The following SCAI variants were observed in gnomAD, a reference collection of about 807,000 sequenced individuals.
SCAI encodes the protein suppressor of cancer cell invasion, also known as protein SCAI.
A neutral mutation model predicts 92.2 loss-of-function variants in SCAI; 24 were observed. The ratio of observed to expected loss-of-function variants is 0.26; its 90% CI spans 0.19 to 0.37. The LOEUF (loss-of-function observed/expected upper bound fraction) is 0.37. SCAI is among the 10% of genes least tolerant of loss of function. SCAI has a pLI of 1.00. For synonymous variants in SCAI, 261 were observed against 258.6 expected (o/e 1.01, Z -0.09); for missense variants, 450 against 736.2 (o/e 0.61, Z 4.50).
chr9:125,093,516 C>T (rs1057013857), intron 2 of SCAI, among the ~76,000 whole-genome samples: 2 of 151,874 alleles, frequency 1.3e-5, no homozygotes, highest in Admixed American at 1.3e-4. Flanking sequence ...CCATAGGTGA[C>T]AGTGTGAATT....
chr9:125,050,793 C>CTCT (rs1833545839), intron 3 of SCAI, among the ~76,000 whole-genome samples: 1 of 152,094 alleles, frequency 6.6e-6, no homozygotes, highest in African/African-American at 2.4e-5. Context: ...TGGTCTAGAG[C>CTCT]TCTTGGCTTC....
At chr9:124,976,032 A>G (rs1199842135) in intron 15 of SCAI, 82 bp downstream of exon 15, 5 of 898,968 alleles carry the variant, frequency 5.6e-6, no homozygotes, top group Non-Finnish European at 9.1e-6. Flanking sequence ...TATGGGAGGA[A>G]AAAACAAAGA....
Position 124,969,019 on chromosome 9 carries a change from T to C in SCAI, c.1674+2351A>G, listed in dbSNP as rs1055899866. 1.6e-4 allele frequency among the ~76,000 whole-genome samples: 24 copies of C among 151,514 alleles called. 1 individual carries two copies. Among genetic ancestry groups the C allele is most frequent in the Middle Eastern group, 3.6e-3 (1 of 280 alleles). On this transcript the variant is annotated intron_variant, in intron 17 of 17. Transcript: ENST00000336505. ...ATGCAGTGGTACAATCAGAGCTCAC[T>C]GCAGCCTCAAACCCCTGGGCTCAAG...
chr9:125,125,965 C>G (rs1040103835), intron 2 of SCAI, among the ~76,000 whole-genome samples: 1 of 149,854 alleles, frequency 6.7e-6, no homozygotes, highest in African/African-American at 2.5e-5. Flanking sequence ...CTCTCTTTGT[C>G]CATCAGAAAC....
intron 14 of SCAI, among the ~76,000 whole-genome samples, chr9:124,984,888 A>G: frequency 6.6e-6 from 1 of 152,222 alleles, no homozygotes; most frequent in Non-Finnish European, 1.5e-5. Context: ...ACTCAAGGGC[A>G]CTTCACTGAT....
At chr9:125,023,724 G>A (rs983220210) in intron 6 of SCAI, among the ~76,000 whole-genome samples, 1 of 151,746 alleles carries the variant, frequency 6.6e-6, no homozygotes, top group Non-Finnish European at 1.5e-5. Flanking sequence ...CAGGCCATGG[G>A]CCCAATCTGG....
At chr9:125,004,186 A>AAGC (rs887251519) in intron 9 of SCAI, among the ~76,000 whole-genome samples, 2 of 152,218 alleles carry the variant, frequency 1.3e-5, no homozygotes, top group African/African-American at 2.4e-5. Context: ...AAAAAAAATA[A>AAGC]AGCAGCAGCA....
intron 2 of SCAI, among the ~76,000 whole-genome samples, chr9:125,129,288 A>G (rs62580573): frequency 0.024 from 3,589 of 150,458 alleles, 52 homozygotes; most frequent in Middle Eastern, 0.059. Context: ...TAAAAATACA[A>G]AAGTTAGCCA....
In SCAI at chr9:124,998,459, A is replaced by C. The variant is rs538897283; in HGVS notation, c.1244+1432T>G. ...GAGAGCAAGATTCCATCTCAAAAAA[A>C]AAACAAACTCAATACTAGAGGTTGG... On this transcript the variant is annotated intron_variant, in intron 13 of 17. Coordinates refer to ENST00000336505, the MANE Select transcript of SCAI (RefSeq NM_001144877.3). Among the ~76,000 whole-genome samples the C allele has an allele frequency of 3.9e-5, 6 of 152,264 alleles. No individual in the cohort carries two copies. In the South Asian group the frequency reaches 1.2e-3, roughly 32 times the overall value.
At chr9:125,015,476 C>G (rs1434883027) in intron 9 of SCAI, among the ~76,000 whole-genome samples, 2 of 152,150 alleles carry the variant, frequency 1.3e-5, no homozygotes, top group Admixed American at 1.3e-4. Context: ...ATCAAAACCA[C>G]AATGAGATAC....
chr9:125,039,501 T>C (rs1405084523), intron 3 of SCAI, among the ~76,000 whole-genome samples: 2 of 152,136 alleles, frequency 1.3e-5, no homozygotes, highest in African/African-American at 4.8e-5. Context: ...CTGGAGACTT[T>C]ATCGATTAAC....
intron 3 of SCAI, among the ~76,000 whole-genome samples, chr9:125,047,250 C>T (rs907131466): frequency 2.6e-5 from 4 of 152,034 alleles, no homozygotes; most frequent in African/African-American, 4.8e-5. Context: ...TACAAAGAGG[C>T]GCCAGGGCAC....
intron 2 of SCAI, among the ~76,000 whole-genome samples, chr9:125,089,741 G>A (rs1372782711): frequency 5.9e-5 from 9 of 152,030 alleles, no homozygotes; most frequent in African/African-American, 2.2e-4. Context: ...GTCTCACTCT[G>A]TCACCCAGGC....
intron 2 of SCAI, among the ~76,000 whole-genome samples, chr9:125,093,661 G>C (rs2131200505): frequency 6.6e-6 from 1 of 151,554 alleles, no homozygotes; most frequent in East Asian, 2.0e-4. Context: ...CGCCTCCCGG[G>C]TTCAAGCAAT....
rs752158765 is a variant in SCAI, at chr9:125,142,700, G to A, written c.54-23C>T. 5.0e-6 allele frequency: 8 copies of A among 1,608,374 alleles called. No individual in the cohort carries two copies. In the Admixed American group the frequency reaches 6.7e-5, roughly 13 times the overall value. ...AGTCTGCAGACCAAACAAATAAGAC[G>A]GTAACTAAAAGTAACATACAAGAAA... is the stretch of plus-strand genomic sequence containing the variant. On this transcript the variant is annotated intron_variant, in intron 1 of 17. Coordinates refer to ENST00000336505, the MANE Select transcript of SCAI (RefSeq NM_001144877.3).
chr9:125,127,474 C>G (rs560090188), intron 2 of SCAI, among the ~76,000 whole-genome samples: 1 of 150,552 alleles, frequency 6.6e-6, no homozygotes, highest in East Asian at 2.0e-4. Context: ...AAACTACGCT[C>G]TCACCTCAGA....
chr9:124,966,141 A>G (rs534162112), intron 17 of SCAI, among the ~76,000 whole-genome samples: 3 of 152,168 alleles, frequency 2.0e-5, no homozygotes, highest in East Asian at 3.9e-4. Flanking sequence ...GGTTTGTTAC[A>G]TATGTATACA....
intron 15 of SCAI, 149 bp downstream of exon 15, chr9:124,975,965 G>T: frequency 1.9e-6 from 1 of 515,338 alleles, no homozygotes; most frequent in Non-Finnish European, 3.5e-6. Flanking sequence ...AAGGCTTCTG[G>T]GTATATTTCA....
chr9:125,098,989 A>G (rs779447469), intron 2 of SCAI, among the ~76,000 whole-genome samples: 1 of 152,060 alleles, frequency 6.6e-6, no homozygotes, highest in African/African-American at 2.4e-5. Context: ...AAAAAATTAG[A>G]TGTGTGTCCA....
Sources: allele counts gnomAD v4.1 joint callset (sites outside exome capture counted in the v4.1 genomes callset), GRCh38; gene constraint gnomAD v4.1.1; transcripts MANE v1.5; gene names NCBI Gene and HGNC (gene_info 2026-07-23, HGNC 2026-07-21).